Variants in SERPINA11 observed in about 807,000 individuals in gnomAD.
SERPINA11 encodes the protein serpin family A member 11.
A neutral mutation model predicts 29.4 loss-of-function variants in SERPINA11; 28 were observed. The ratio of observed to expected loss-of-function variants is 0.95; its 90% CI spans 0.70 to 1.30. The LOEUF is 1.30. Ranked by LOEUF, SERPINA11 falls within the 50% of genes most tolerant of loss-of-function variation. SERPINA11 has a pLI of 0.00. For synonymous variants in SERPINA11, 253 were observed against 206.6 expected, an observed-to-expected ratio of 1.22 and a Z score of -1.92; for missense variants, 530 against 507.3, an observed-to-expected ratio of 1.04 and a Z score of -0.43.
At chr14:94,447,544 T>C (rs1023961368) in intron 2 of SERPINA11, among the ~76,000 whole-genome samples, 3 of 152,192 alleles carry the variant, frequency 2.0e-5, no homozygotes, top group Admixed American at 6.5e-5. Flanking sequence ...CTAAAACATA[T>C]GTAATCCTGT....
chr14:94,450,023 T>G (rs1898558370), intron 1 of SERPINA11, among the ~76,000 whole-genome samples: 1 of 152,090 alleles, frequency 6.6e-6, no homozygotes, highest in African/African-American at 2.4e-5. Context: ...GATGTGTGGA[T>G]GAAGACAGCC....
intron 1 of SERPINA11, among the ~76,000 whole-genome samples, chr14:94,450,867 T>G (rs2139781205): frequency 6.6e-6 from 1 of 152,148 alleles, no homozygotes; most frequent in African/African-American, 2.4e-5. Context: ...CTCCTTTCCC[T>G]TTCAGTCCCA....
intron 1 of SERPINA11, among the ~76,000 whole-genome samples, chr14:94,449,323 G>A (rs529782665): frequency 5.9e-5 from 9 of 152,256 alleles, no homozygotes; most frequent in African/African-American, 2.2e-4. Flanking sequence ...ATGACAGAGT[G>A]AGAACCTGTT....
chr14:94,448,666 TG>T lies in SERPINA11; in HGVS notation c.108del (p.Arg37GlyfsTer42), dbSNP rs779299403. 2.5e-6 allele frequency: 4 copies of T among 1,580,598 alleles called. No individual in the cohort carries two copies. Among genetic ancestry groups the T allele is most frequent in the Non-Finnish European group, 3.4e-6 (4 of 1,162,940 alleles). On this transcript the variant is annotated frameshift_variant, in exon 2 of 5. Transcript: ENST00000334708. LOFTEE classifies it high-confidence loss of function. ...GGGGCTGGCTCTGAGAGCTGATGCC[TG>T]GGGGGTTGAGGCCCCTGCAGACTTT... ...GDKSLQGPQPPRHQLSEPAPA... is the reference protein window; with the variant it reads ...GDKSLQGPQPXRHQLSEPAPA...
Position 94,448,675 on chromosome 14 carries a change from G to T in SERPINA11, c.100C>A (p.Gln34Lys). The T allele has an allele frequency of 6.4e-7, 1 of 1,568,710 alleles. No individual in the cohort carries two copies. Among genetic ancestry groups the T allele is most frequent in the Non-Finnish European group, 8.6e-7 (1 of 1,157,632 alleles). The stretch of plus-strand genomic sequence containing the variant: ...TCTGAGAGCTGATGCCTGGGGGGTT[G>T]AGGCCCCTGCAGACTTTTATCTCCA... Reference protein sequence around the residue: ...AHGDKSLQGPQPPRHQLSEPA... With the variant: ...AHGDKSLQGPKPPRHQLSEPA... Residue 34 changes from glutamine to lysine, a missense_variant, in exon 2 of 5, where the codon CAA becomes AAA. Coordinates refer to ENST00000334708, the MANE Select transcript of SERPINA11 (RefSeq NM_001080451.2).
At position 94,446,581 on chromosome 14, in the gene SERPINA11, G is replaced by C. The variant is rs114788552; in HGVS notation, c.667C>G (p.Arg223Gly). Residue 223 changes from arginine to glycine, a missense_variant, in exon 3 of 5, where the codon CGC becomes GGC. Coordinates refer to ENST00000334708, the MANE Select transcript of SERPINA11 (RefSeq NM_001080451.2). ...FKAKWKHPFSRYQTQKQESFF... is the reference protein window; with the variant it reads ...FKAKWKHPFSGYQTQKQESFF... ...CTTTCCTGCTTCTGGGTCTGGTAGC[G>C]ACTGAAAGGGTGCTTCCACTTGGCT... is the stretch of plus-strand genomic sequence containing the variant. 53 of 1,613,852 alleles carry C rather than the reference G, an allele frequency of 3.3e-5. No homozygotes were observed. The highest frequency in any genetic ancestry group is 4.5e-5 in the Non-Finnish European group (53 of 1,179,954).
intron 1 of SERPINA11, among the ~76,000 whole-genome samples, chr14:94,449,962 C>G (rs1051068345): frequency 5.3e-5 from 8 of 152,198 alleles, no homozygotes; most frequent in Non-Finnish European, 1.2e-4. Context: ...GTGCCCTCCC[C>G]CTTTCCAGTC....
intron 3 of SERPINA11, among the ~76,000 whole-genome samples, chr14:94,445,496 A>G (rs561353451): frequency 1.1e-4 from 16 of 152,346 alleles, no homozygotes; most frequent in South Asian, 6.2e-4. Flanking sequence ...TTTAATGTTT[A>G]CAATGTTCTT....
At position 94,443,157 on chromosome 14, in the gene SERPINA11, TG is replaced by T. The variant is rs986310679; in HGVS notation, c.985del (p.Gln329LysfsTer10). On this transcript the variant is annotated frameshift_variant, in exon 4 of 5. Transcript: ENST00000334708. LOFTEE classifies it high-confidence loss of function. Reference sequence around the variant, plus strand: ...GTTGAGTATGTTGGTGAGACCAATTTGGGGAAGTATGTCTTCCAGGTTATAT... The same window carrying T: ...GTTGAGTATGTTGGTGAGACCAATTTGGGAAGTATGTCTTCCAGGTTATAT... ...GTYNLEDILP[Q>X]IGLTNILNLE... 2 of 1,614,104 alleles carry T rather than the reference TG, an allele frequency of 1.2e-6. No homozygotes were observed. Among genetic ancestry groups the T allele is most frequent in the African/African-American group, 2.7e-5 (2 of 75,062 alleles).
At chr14:94,442,846 G>A in intron 4 of SERPINA11, 37 bp from the exon 5 acceptor site, 1 of 1,531,960 alleles carries the variant, frequency 6.5e-7, no homozygotes, top group Non-Finnish European at 8.8e-7. Context: ...GCATCAGTTT[G>A]GGGGCCTTCA....
At chr14:94,446,298 G>A (rs752692786) in intron 3 of SERPINA11, 33 bp downstream of exon 3, 1 of 1,593,272 alleles carries the variant, frequency 6.3e-7, no homozygotes. Flanking sequence ...TCTTGAGCAA[G>A]GTCAGCCAGC....
intron 1 of SERPINA11, 58 bp from the exon 2 acceptor site, chr14:94,448,835 A>C: frequency 6.9e-7 from 1 of 1,454,180 alleles, no homozygotes; most frequent in South Asian, 1.5e-5. Flanking sequence ...ATGATTCTCT[A>C]TTGCTCATAC....
At chr14:94,445,437 T>C (rs1898415138) in intron 3 of SERPINA11, among the ~76,000 whole-genome samples, 1 of 152,028 alleles carries the variant, frequency 6.6e-6, no homozygotes, top group South Asian at 2.1e-4. Context: ...CTACAAACCA[T>C]AAAGCAAGTG....
At chr14:94,443,522 CTA>C (rs1898382359) in intron 3 of SERPINA11, among the ~76,000 whole-genome samples, 1 of 152,186 alleles carries the variant, frequency 6.6e-6, no homozygotes, top group Non-Finnish European at 1.5e-5. Flanking sequence ...CAGATATTGG[CTA>C]TGTTTTTTCA....
intron 2 of SERPINA11, 95 bp from the exon 3 acceptor site, chr14:94,446,699 A>C: frequency 1.6e-6 from 2 of 1,267,330 alleles, no homozygotes; most frequent in Non-Finnish European, 2.2e-6. Context: ...TTGGCTATGC[A>C]AGTATGTGGC....
intron 1 of SERPINA11, among the ~76,000 whole-genome samples, chr14:94,450,802 G>A (rs917861129): frequency 4.6e-5 from 7 of 152,260 alleles, no homozygotes; most frequent in African/African-American, 1.7e-4. Context: ...AGCTGGAGGG[G>A]GAACTGCAGT....
rs1309485966 is a variant in SERPINA11 at position 94,448,395 on chromosome 14, G to A, written c.380C>T (p.Ala127Val). The change falls in exon 2 of 5, where the codon GCC becomes GTC. Residue 127 changes from alanine to valine, a missense_variant. Ala to Val is a moderately conservative substitution (Grantham distance 64). Transcript: ENST00000334708. ...TAGTTCGAGTTTGGGGCTGGGCAGG[G>A]CAAGGGTGTGGAGGAGGCTCCGGAA... ...QGFRSLLHTL[A>V]LPSPKLELKV... 2 of 1,614,186 alleles carry A rather than the reference G, an allele frequency of 1.2e-6. No individual in the cohort carries two copies. Among genetic ancestry groups the A allele is most frequent in the East Asian group, 4.5e-5 (2 of 44,886 alleles).
chr14:94,448,055 C>T (rs1898479800), intron 2 of SERPINA11, 77 bp downstream of exon 2: 1 of 1,397,558 alleles, frequency 7.2e-7, no homozygotes, highest in Non-Finnish European at 9.9e-7. Context: ...TAGCAAAGAA[C>T]CTATTAGCTG....
chr14:94,448,508 A>G lies in SERPINA11; in HGVS notation c.267T>C (p.Leu89=). The stretch of plus-strand genomic sequence containing the variant: ...GAGCTGAGGTGTTAGCTTGGGCCCC[A>G]AGAGAGAGCAGGGCCAGGGTGGTGG... ...SISTTLALLS[L]GAQANTSALI... is the part of the protein sequence containing the mutation. Residue 89 remains leucine (L), a synonymous_variant, in exon 2 of 5, where the codon CTT becomes CTC. Coordinates refer to ENST00000334708, the MANE Select transcript of SERPINA11 (RefSeq NM_001080451.2). 6.2e-7 allele frequency: 1 copy of G among 1,614,160 alleles called. No homozygotes were observed. The highest frequency in any genetic ancestry group is 8.5e-7 in the Non-Finnish European group (1 of 1,180,022).
Sources: allele counts gnomAD v4.1 joint callset (sites outside exome capture counted in the v4.1 genomes callset), GRCh38; gene constraint gnomAD v4.1.1; transcripts MANE v1.5; gene names NCBI Gene and HGNC (gene_info 2026-07-23, HGNC 2026-07-21).